Variants in SH3YL1 observed in about 807,000 individuals in gnomAD.
The protein encoded by SH3YL1 is SH3 domain-containing YSC84-like protein 1.
Under a neutral mutation model 45.8 loss-of-function variants are expected in SH3YL1, and 41 were observed. The ratio of observed to expected loss-of-function variants is 0.89; its 90% CI spans 0.70 to 1.16. The LOEUF is 1.16. Among genes scored for constraint, SH3YL1 ranks in the 50% most tolerant of loss-of-function variants. The probability of loss-of-function intolerance (pLI) is 0.00; values close to 1 mark genes in which losing one functional copy is unlikely to be tolerated. For synonymous variants in SH3YL1, 152 were observed against 151.4 expected, an observed-to-expected ratio of 1.00 and a Z score of -0.03; for missense variants, 389 against 409.6, an observed-to-expected ratio of 0.95 and a Z score of 0.43.
In SH3YL1 at chr2:264,032, G is replaced by A. The variant is rs1257559952; in HGVS notation, c.-48C>T. On this transcript the variant is annotated 5_prime_UTR_variant, in exon 1 of 10. Transcript: ENST00000356150. Reference sequence around the variant, plus strand: ...CCCGTCCCGAGGCTGCCCAGGAAGAGGAAGGCGCGCTGCCCCGCCCCGCGG... The same window carrying A: ...CCCGTCCCGAGGCTGCCCAGGAAGAAGAAGGCGCGCTGCCCCGCCCCGCGG... 2.6e-5 allele frequency: 36 copies of A among 1,389,034 alleles called. No individual in the cohort carries two copies. The highest frequency in any genetic ancestry group is 3.3e-5 in the Non-Finnish European group (35 of 1,064,696). The allele number at this position is 1,389,034 out of a possible 1,614,324, so 86.0% of individuals were successfully genotyped here.
chr2:230,915 C>T lies in SH3YL1; in HGVS notation c.702+108G>A. 7.7e-6 allele frequency: 8 copies of T among 1,040,746 alleles called. No homozygotes were observed. In the South Asian group the frequency reaches 1.1e-4, roughly 14 times the overall value. The allele number at this position is 1,040,746 out of a possible 1,614,324, so 64.5% of individuals were successfully genotyped here. A position where few individuals can be genotyped will look rare whatever the true frequency, so the allele number is the denominator to read the frequency against. On this transcript the variant is annotated intron_variant, in intron 7 of 9. Transcript: ENST00000356150. ...TCACAAGAATGTGAAGTCAGTGAAA[C>T]TACGAAGGAGGCTTAGTAGGTTCTT...
At chr2:235,733 A>C in intron 4 of SH3YL1, among the ~76,000 whole-genome samples, 1 of 43,622 alleles carries the variant, frequency 2.3e-5, no homozygotes, top group Non-Finnish European at 5.0e-5. Context: ...AGCATGGGTC[A>C]GGGGAGGCAG....
rs147365743 is a variant in SH3YL1 at position 251,379 on chromosome 2, A to G, written c.113-1535T>C. On this transcript the variant is annotated intron_variant, in intron 2 of 9. Transcript: ENST00000356150. Reference sequence around the variant, plus strand: ...GAAATAGCATCTTTGTTTTAATGTAAACATAATGCCCCCCACCAGACTCCC... The same window carrying G: ...GAAATAGCATCTTTGTTTTAATGTAGACATAATGCCCCCCACCAGACTCCC... 9.2e-5 allele frequency among the ~76,000 whole-genome samples: 14 copies of G among 152,270 alleles called. 1 individual carries two copies. The East Asian group carries it at 2.7e-3, about 29-fold the overall frequency.
rs573937186 is a variant in SH3YL1 at position 252,987 on chromosome 2, C to A, written c.112+18G>T. On this transcript the variant is annotated intron_variant, in intron 2 of 9. Coordinates refer to ENST00000356150, the MANE Select transcript of SH3YL1 (RefSeq NM_015677.4). Reference sequence around the variant, plus strand: ...AAAAGACATTTAGAGACAAACAGCACTCATCCTATTTACCTACCAGGAATG... The same window carrying A: ...AAAAGACATTTAGAGACAAACAGCAATCATCCTATTTACCTACCAGGAATG... 7.2e-7 allele frequency: 1 copy of A among 1,391,086 alleles called. No individual in the cohort carries two copies. The highest frequency in any genetic ancestry group is 2.0e-5 in the Admixed American group (1 of 49,978). The allele number at this position is 1,391,086 out of a possible 1,614,324, so 86.2% of individuals were successfully genotyped here.
chr2:243,991 G>A (rs745703238), intron 4 of SH3YL1, among the ~76,000 whole-genome samples: 5 of 152,114 alleles, frequency 3.3e-5, no homozygotes, highest in Non-Finnish European at 2.9e-5. Flanking sequence ...ATTGAGGGAT[G>A]TGCAGACAAG....
At chr2:242,946 C>A in intron 4 of SH3YL1, 3 of 912,878 alleles carry the variant, frequency 3.3e-6, no homozygotes, top group Non-Finnish European at 4.5e-6. Flanking sequence ...GTCAATCAAC[C>A]AAAGAGATAT....
intron 5 of SH3YL1, 120 bp downstream of exon 5, chr2:234,040 G>T: frequency 4.2e-6 from 3 of 712,282 alleles, no homozygotes; most frequent in African/African-American, 1.8e-5. Context: ...AAATCTTTCG[G>T]GCATGTATAA....
At chr2:235,708 T>C (rs368428454) in intron 4 of SH3YL1, among the ~76,000 whole-genome samples, 11 of 50,430 alleles carry the variant, frequency 2.2e-4, no homozygotes, top group African/African-American at 3.0e-4. Context: ...GGCAGCAGCA[T>C]GGGCCAGGGG....
At chr2:242,934 T>C in intron 4 of SH3YL1, 2 of 1,048,408 alleles carry the variant, frequency 1.9e-6, no homozygotes, top group South Asian at 2.6e-5. Context: ...AATGATAAAA[T>C]GGTCAATCAA....
At chr2:230,880 C>T (rs573049744) in intron 7 of SH3YL1, 143 bp downstream of exon 7, 75 of 750,062 alleles carry the variant, frequency 1.0e-4, no homozygotes, top group African/African-American at 9.4e-4. Context: ...GTCAAGGTAG[C>T]ATGACCTTTT....
chr2:236,159 T>TGGGCCAGGGGAGGCAGCAGCAC (rs1668293102), intron 4 of SH3YL1, among the ~76,000 whole-genome samples: 1 of 52,348 alleles, frequency 1.9e-5, no homozygotes, highest in Admixed American at 2.1e-4. Flanking sequence ...GGAGGCAGCA[T>TGGGCCAGGGGAGGCAGCAGCAC]GGGCCAGGGG....
intron 1 of SH3YL1, chr2:263,709 G>A (rs570755333): frequency 2.7e-4 from 117 of 426,402 alleles, no homozygotes; most frequent in African/African-American, 2.2e-3. Context: ...CAAATATCAG[G>A]AAGTTAAAAA....
At chr2:262,008 G>A (rs532231966) in intron 1 of SH3YL1, among the ~76,000 whole-genome samples, 22 of 152,212 alleles carry the variant, frequency 1.4e-4, no homozygotes, top group African/African-American at 5.3e-4. Context: ...TTCCATCTAA[G>A]ATCAAAGGAA....
At chr2:260,324 C>T (rs1428202404) in intron 1 of SH3YL1, 3 of 152,220 alleles carry the variant, frequency 2.0e-5, no homozygotes, top group Non-Finnish European at 2.9e-5. Context: ...ATTTCATCTA[C>T]TTTATTTCAG....
rs1669619206 is a variant in SH3YL1, at chr2:262,381, GC to G, written c.1+1602del. The G allele has an allele frequency of 7.7e-5, 22 of 284,160 alleles. 2 individuals are homozygous for G. Among genetic ancestry groups the G allele is most frequent in the South Asian group, 7.4e-4 (22 of 29,888 alleles). The allele number at this position is 284,160 out of a possible 1,614,324, so 17.6% of individuals were successfully genotyped here. On this transcript the variant is annotated intron_variant, in intron 1 of 9. Transcript: ENST00000356150. Reference sequence around the variant, plus strand: ...TCCAGTCCCCCAACCCCAGGCTGTGGCTGGGGAAGGAAGAGGACAGCGAAAG... The same window carrying G: ...TCCAGTCCCCCAACCCCAGGCTGTGGTGGGGAAGGAAGAGGACAGCGAAAG...
chr2:239,181 C>T (rs1046637060), intron 4 of SH3YL1, among the ~76,000 whole-genome samples: 1 of 152,176 alleles, frequency 6.6e-6, no homozygotes, highest in African/African-American at 2.4e-5. Context: ...TAAGAACAGG[C>T]CATTAATGAA....
At position 233,091 on chromosome 2, in the gene SH3YL1, T is replaced by C; in HGVS notation, c.533+10A>G. Reference sequence around the variant, plus strand: ...CACTTTCAATTAAAATCACTTTAACTTGAACTGACTTTCTATTAGTTTCTT... The same window carrying C: ...CACTTTCAATTAAAATCACTTTAACCTGAACTGACTTTCTATTAGTTTCTT... On this transcript the variant is annotated intron_variant, in intron 6 of 9. Coordinates refer to ENST00000356150, the MANE Select transcript of SH3YL1 (RefSeq NM_015677.4). The C allele has an allele frequency of 6.5e-7, 1 of 1,550,056 alleles. No homozygotes were observed. Among genetic ancestry groups the C allele is most frequent in the East Asian group, 2.3e-5 (1 of 43,650 alleles).
At chr2:242,408 T>C (rs761285353) in intron 4 of SH3YL1, among the ~76,000 whole-genome samples, 2 of 151,910 alleles carry the variant, frequency 1.3e-5, no homozygotes, top group African/African-American at 2.4e-5. Flanking sequence ...TAGAACCATA[T>C]GAGAGTAATG....
intron 4 of SH3YL1, among the ~76,000 whole-genome samples, chr2:239,075 G>A (rs537507952): frequency 1.3e-3 from 198 of 152,294 alleles, no homozygotes; most frequent in Non-Finnish European, 2.5e-3. Flanking sequence ...ACCACAGCAC[G>A]ATGCAATAAG....
Sources: allele counts gnomAD v4.1 joint callset (sites outside exome capture counted in the v4.1 genomes callset), GRCh38; gene constraint gnomAD v4.1.1; transcripts MANE v1.5; gene names NCBI Gene and HGNC (gene_info 2026-07-23, HGNC 2026-07-21).